FHOD3: variants seen among roughly 807,000 people sequenced by gnomAD.
FHOD3 encodes the protein formin homology 2 domain containing 3.
FHOD3 carries 90 observed loss-of-function variants against 173.0 expected under a neutral mutation model. That is an observed-to-expected ratio of 0.52 (90% CI 0.44 to 0.62). FHOD3 has a LOEUF of 0.62. Among genes scored for constraint, FHOD3 ranks in the 20% least tolerant of loss-of-function variants. The pLI is 0.00. For synonymous variants in FHOD3, 828 were observed against 823.0 expected, an observed-to-expected ratio of 1.01 and a Z score of -0.10; for missense variants, 1,945 against 2,034.7, an observed-to-expected ratio of 0.96 and a Z score of 0.85.
chr18:36,761,598 T>C lies in FHOD3; in HGVS notation c.4624+816T>C, dbSNP rs556711746. 5.9e-5 allele frequency among the ~76,000 whole-genome samples: 9 copies of C among 152,282 alleles called. No homozygotes were observed. In the South Asian group the frequency reaches 1.9e-3, roughly 32 times the overall value. ...CGTCCTAGAGTCCCCGCTCTTCTCA[T>C]GCTGCTCCCTCAGTTCAGGATGCCC... On this transcript the variant is annotated intron_variant, in intron 27 of 28. Transcript: ENST00000590592.
intron 9 of FHOD3, among the ~76,000 whole-genome samples, chr18:36,615,251 T>A (rs917743240): frequency 1.3e-5 from 2 of 152,244 alleles, no homozygotes; most frequent in African/African-American, 4.8e-5. Flanking sequence ...ATTCTATGGG[T>A]TGTATTTTTC....
At chr18:36,519,425 G>A (rs553167640) in intron 5 of FHOD3, among the ~76,000 whole-genome samples, 2 of 152,312 alleles carry the variant, frequency 1.3e-5, no homozygotes, top group African/African-American at 4.8e-5. Flanking sequence ...CCTACCCCTA[G>A]TCTCAGGGCT....
intron 5 of FHOD3, among the ~76,000 whole-genome samples, chr18:36,533,378 T>C (rs1185340756): frequency 6.6e-6 from 1 of 152,194 alleles, no homozygotes; most frequent in Non-Finnish European, 1.5e-5. Flanking sequence ...CAGAGAAGGT[T>C]GTGCTGGCCA....
intron 7 of FHOD3, among the ~76,000 whole-genome samples, 166 bp downstream of exon 7, chr18:36,595,064 G>T (rs1233391089): frequency 6.6e-6 from 1 of 152,148 alleles, no homozygotes; most frequent in African/African-American, 2.4e-5. Flanking sequence ...ACAAAGCTTA[G>T]GGCCGGAATG....
intron 3 of FHOD3, among the ~76,000 whole-genome samples, chr18:36,477,411 C>A (rs925176905): frequency 5.3e-5 from 8 of 151,802 alleles, no homozygotes; most frequent in Non-Finnish European, 5.9e-5. Context: ...TAACTGAGAC[C>A]CAAGAAGTCA....
chr18:36,694,981 G>A (rs1438293774), intron 17 of FHOD3, among the ~76,000 whole-genome samples: 1 of 150,766 alleles, frequency 6.6e-6, no homozygotes. Flanking sequence ...ACGTGGGTGT[G>A]TGTGTGTGTG....
rs140079537 is a variant in FHOD3 at position 36,593,179 on chromosome 18, A to G, written c.607-1608A>G. 2.5e-3 allele frequency among the ~76,000 whole-genome samples: 382 copies of G among 152,334 alleles called. 1 individual carries two copies. The highest frequency in any genetic ancestry group is 7.1e-3 in the Admixed American group (108 of 15,306). Reference sequence around the variant, plus strand: ...TGCTGAGAGTTGAGCAAAAATGGGCAGAGAAGTAACCACTGGATTTGATAC... The same window carrying G: ...TGCTGAGAGTTGAGCAAAAATGGGCGGAGAAGTAACCACTGGATTTGATAC... On this transcript the variant is annotated intron_variant, in intron 6 of 28. Coordinates refer to ENST00000590592, the MANE Select transcript of FHOD3 (RefSeq NM_001281740.3).
intron 5 of FHOD3, 146 bp downstream of exon 5, chr18:36,512,689 G>A (rs2055725323): frequency 1.6e-6 from 1 of 616,378 alleles, no homozygotes; most frequent in Non-Finnish European, 2.9e-6. Flanking sequence ...AAAAACATCT[G>A]CCATAGGTAA....
intron 10 of FHOD3, among the ~76,000 whole-genome samples, chr18:36,643,827 T>C (rs921610269): frequency 6.6e-6 from 1 of 152,224 alleles, no homozygotes; most frequent in Non-Finnish European, 1.5e-5. Context: ...CTGTTAGATA[T>C]ATTGCAAATG....
chr18:36,326,391 T>G (rs958551575), intron 1 of FHOD3, among the ~76,000 whole-genome samples: 11 of 152,258 alleles, frequency 7.2e-5, no homozygotes, highest in Non-Finnish European at 1.3e-4. Flanking sequence ...ATATATGAAG[T>G]CAGAACTGAA....
intron 5 of FHOD3, among the ~76,000 whole-genome samples, chr18:36,518,242 T>C (rs1342076708): frequency 6.6e-6 from 1 of 152,182 alleles, no homozygotes; most frequent in Non-Finnish European, 1.5e-5. Flanking sequence ...GCTACTGTAT[T>C]TTCCACGGAA....
intron 10 of FHOD3, among the ~76,000 whole-genome samples, chr18:36,646,268 A>G (rs568606905): frequency 1.6e-5 from 2 of 127,246 alleles, no homozygotes; most frequent in Non-Finnish European, 3.2e-5. Context: ...AGAAAATAAA[A>G]TTGAGTTCAA....
chr18:36,588,166 C>T (rs984633199), intron 6 of FHOD3, among the ~76,000 whole-genome samples: 1 of 152,148 alleles, frequency 6.6e-6, no homozygotes, highest in Non-Finnish European at 1.5e-5. Context: ...TGTTAGAGGT[C>T]GGGAAGGTTG....
chr18:36,755,519 G>A (rs1272242867), intron 25 of FHOD3, among the ~76,000 whole-genome samples: 2 of 149,434 alleles, frequency 1.3e-5, no homozygotes, highest in Non-Finnish European at 3.0e-5. Flanking sequence ...GCTAGGAGAT[G>A]TAAAGTTCAG....
intron 28 of FHOD3, chr18:36,777,720 C>T (rs2150472058): frequency 6.6e-6 from 1 of 152,252 alleles, no homozygotes; most frequent in African/African-American, 2.4e-5. Context: ...AATCTGTCTC[C>T]AGCTGAGACT....
At chr18:36,443,476 T>C (rs1166587577) in intron 3 of FHOD3, among the ~76,000 whole-genome samples, 2 of 152,246 alleles carry the variant, frequency 1.3e-5, no homozygotes, top group African/African-American at 4.8e-5. Flanking sequence ...ATCTTTAAAG[T>C]TGATTCTTGT....
chr18:36,592,150 T>G (rs1442351367), intron 6 of FHOD3, among the ~76,000 whole-genome samples: 1 of 152,000 alleles, frequency 6.6e-6, no homozygotes, highest in Non-Finnish European at 1.5e-5. Context: ...ACCTGGGAGG[T>G]GGAGGTTGCA....
chr18:36,372,789 G>A (rs747963193), intron 3 of FHOD3, 45 bp downstream of exon 3: 35 of 1,512,596 alleles, frequency 2.3e-5, no homozygotes, highest in East Asian at 1.8e-4. Context: ...GATGAAAGAC[G>A]CGACTTATGG....
At chr18:36,470,076 G>A (rs1303809305) in intron 3 of FHOD3, among the ~76,000 whole-genome samples, 1 of 152,198 alleles carries the variant, frequency 6.6e-6, no homozygotes, top group Non-Finnish European at 1.5e-5. Flanking sequence ...AATTCCAGAT[G>A]GTAGGAGAGC....
Sources: gnomAD v4.1 joint callset for allele counts (sites outside exome capture counted in the v4.1 genomes callset) on GRCh38, gnomAD v4.1.1 for gene constraint, MANE v1.5 for transcripts, NCBI Gene and HGNC (gene_info 2026-07-23, HGNC 2026-07-21) for gene names.